MEF2C: variants seen among roughly 807,000 people sequenced by gnomAD.
The protein encoded by MEF2C is myocyte enhancer factor 2C.
MEF2C carries 6 observed loss-of-function variants against 50.5 expected under a neutral mutation model. That is an observed-to-expected ratio of 0.12 (90% CI 0.07 to 0.23). MEF2C has a LOEUF of 0.23. MEF2C is among the 10% of genes least tolerant of loss of function. The pLI, the probability that MEF2C is intolerant of heterozygous loss-of-function variation, is 1.00. For missense variants in MEF2C, 276 were observed against 605.0 expected (o/e 0.46, Z 5.70); for synonymous variants, 183 against 228.0 (o/e 0.80, Z 1.78).
intron 6 of MEF2C, chr5:88,733,644 G>C (rs1316934932): frequency 7.6e-5 from 75 of 985,178 alleles, no homozygotes; most frequent in Non-Finnish European, 8.8e-5. Flanking sequence ...ACTGTATAAA[G>C]CAGATTTGTT....
intron 3 of MEF2C, among the ~76,000 whole-genome samples, chr5:88,790,357 G>A (rs1342097403): frequency 2.0e-5 from 3 of 152,172 alleles, no homozygotes; most frequent in African/African-American, 7.2e-5. Context: ...TTCTACTCCA[G>A]CAGCATCAGC....
chr5:88,789,323 C>T (rs931356411), intron 3 of MEF2C, among the ~76,000 whole-genome samples: 11 of 152,018 alleles, frequency 7.2e-5, no homozygotes, highest in Admixed American at 3.3e-4. Context: ...TGCACCACCA[C>T]ATCCAGCTAA....
rs558152226 is a variant in MEF2C at position 88,727,245 on chromosome 5, T to C, written c.1100+1248A>G. ...ACTCTGCGCTGATCAATATGTAATG[T>C]ATCTTCAAAGTTAACTATCTTTCAA... On this transcript the variant is annotated intron_variant, in intron 10 of 10. Coordinates refer to ENST00000504921, the MANE Select transcript of MEF2C (RefSeq NM_002397.5). 2.6e-5 allele frequency among the ~76,000 whole-genome samples: 4 copies of C among 152,322 alleles called. No individual in the cohort carries two copies. In the South Asian group the frequency reaches 8.3e-4, roughly 32 times the overall value.
At chr5:88,762,199 T>C (rs1778181198) in intron 3 of MEF2C, among the ~76,000 whole-genome samples, 1 of 152,246 alleles carries the variant, frequency 6.6e-6, no homozygotes, top group Non-Finnish European at 1.5e-5. Context: ...GGGTCTGGTC[T>C]AGTCTCAGCT....
At chr5:88,775,264 G>A (rs1315700845) in intron 3 of MEF2C, among the ~76,000 whole-genome samples, 2 of 152,118 alleles carry the variant, frequency 1.3e-5, no homozygotes, top group African/African-American at 2.4e-5. Flanking sequence ...GGGGGTTGCT[G>A]TGCCTGGACT....
intron 1 of MEF2C, among the ~76,000 whole-genome samples, chr5:88,827,521 G>A (rs1581277184): frequency 1.3e-5 from 2 of 152,078 alleles, no homozygotes; most frequent in South Asian, 4.1e-4. Flanking sequence ...CCTTGGAGAG[G>A]TTCAGATAAG....
At chr5:88,833,948 C>T (rs1273560537) in intron 1 of MEF2C, among the ~76,000 whole-genome samples, 2 of 152,158 alleles carry the variant, frequency 1.3e-5, no homozygotes, top group African/African-American at 4.8e-5. Flanking sequence ...TATTTTAAAA[C>T]ACAGACCTTC....
At chr5:88,824,384 A>AACAAC in intron 1 of MEF2C, 1 of 983,284 alleles carries the variant, frequency 1.0e-6, no homozygotes. Context: ...CAGAGGTGAT[A>AACAAC]ACGTCCCTCG....
chr5:88,877,476 G>A (rs1228406782), intron 1 of MEF2C, among the ~76,000 whole-genome samples: 3 of 151,922 alleles, frequency 2.0e-5, no homozygotes, highest in African/African-American at 7.2e-5. Flanking sequence ...GTATCAAGGA[G>A]ATGTGAGATA....
rs569243041 is a variant in MEF2C, at chr5:88,829,668, T to C, written c.-142-5738A>G. On this transcript the variant is annotated intron_variant, in intron 1 of 10. Coordinates refer to ENST00000504921, the MANE Select transcript of MEF2C (RefSeq NM_002397.5). ...TAACCTCACTTAATACTTCGCCATA[T>C]TTACATAGCATCTCCTATGTGGAAT... 3.3e-5 allele frequency among the ~76,000 whole-genome samples: 5 copies of C among 152,174 alleles called. No homozygotes were observed. The Middle Eastern group carries it at 0.014, about 414-fold the overall frequency.
chr5:88,753,245 T>C (rs993182371), intron 4 of MEF2C, among the ~76,000 whole-genome samples: 7 of 152,210 alleles, frequency 4.6e-5, no homozygotes, highest in African/African-American at 1.7e-4. Context: ...TTGTTTATGT[T>C]TATGCTCCCT....
At position 88,787,137 on chromosome 5, in the gene MEF2C, GA is replaced by G. The variant is rs558098540; in HGVS notation, c.258+17460del. Among the ~76,000 whole-genome samples, 606 of 148,488 alleles carry G rather than the reference GA, an allele frequency of 4.1e-3. 3 individuals carry two copies. The highest frequency in any genetic ancestry group is 0.014 in the African/African-American group (547 of 40,470). On this transcript the variant is annotated intron_variant, in intron 3 of 10. Transcript: ENST00000504921. ...ACACTTAATAAATACTTGTGGAAAA[GA>G]AAAAAAAAATCAATTCGTTGACCTT... is the stretch of plus-strand genomic sequence containing the variant.
At chr5:88,752,840 G>A in intron 4 of MEF2C, 1 of 824,614 alleles carries the variant, frequency 1.2e-6, no homozygotes. Flanking sequence ...TTATGTTTCT[G>A]CTGTACTAAC....
At chr5:88,759,032 A>G (rs1776654054) in intron 4 of MEF2C, among the ~76,000 whole-genome samples, 1 of 152,244 alleles carries the variant, frequency 6.6e-6, no homozygotes, top group Admixed American at 6.5e-5. Context: ...GCAGTACTGC[A>G]TACATCTGTC....
At chr5:88,760,871 A>G in intron 4 of MEF2C, 2 of 1,123,168 alleles carry the variant, frequency 1.8e-6, no homozygotes, top group Non-Finnish European at 2.5e-6. Context: ...GTGGGATGAG[A>G]TGGCTATTTA....
chr5:88,748,940 C>T (rs1771263971), intron 6 of MEF2C, 130 bp downstream of exon 6: 1 of 1,517,098 alleles, frequency 6.6e-7, no homozygotes. Flanking sequence ...TTTAAAAATT[C>T]TTGGTGTCAT....
chr5:88,841,201 T>C (rs1167431008), intron 1 of MEF2C, among the ~76,000 whole-genome samples: 3 of 152,268 alleles, frequency 2.0e-5, no homozygotes, highest in East Asian at 3.9e-4. Flanking sequence ...TATGTTAAAA[T>C]AGTTCCTGCT....
At chr5:88,774,082 T>C (rs1010731020) in intron 3 of MEF2C, among the ~76,000 whole-genome samples, 2 of 152,280 alleles carry the variant, frequency 1.3e-5, no homozygotes, top group Admixed American at 1.3e-4. Flanking sequence ...ATGTACTCTC[T>C]AGTGAACAAG....
In MEF2C at chr5:88,863,810, C is replaced by T. The variant is rs531307319; in HGVS notation, c.-143+19145G>A. Among the ~76,000 whole-genome samples the T allele has an allele frequency of 2.7e-3, 398 of 150,162 alleles. 1 individual carries two copies. The highest frequency in any genetic ancestry group is 9.3e-3 in the African/African-American group (384 of 41,126). On this transcript the variant is annotated intron_variant, in intron 1 of 10. Coordinates refer to ENST00000504921, the MANE Select transcript of MEF2C (RefSeq NM_002397.5). Reference sequence around the variant, plus strand: ...TTAGGTTCATTCATGTTGCAAATGACAGAATTTCTTTTTCTTTTTTTTTTT... The same window carrying T: ...TTAGGTTCATTCATGTTGCAAATGATAGAATTTCTTTTTCTTTTTTTTTTT...
Sources: allele counts gnomAD v4.1 joint callset (sites outside exome capture counted in the v4.1 genomes callset), GRCh38; gene constraint gnomAD v4.1.1; transcripts MANE v1.5; gene names NCBI Gene and HGNC (gene_info 2026-07-23, HGNC 2026-07-21).